The following GTF2F2 variants were observed in gnomAD, a reference collection of about 807,000 sequenced individuals.
GTF2F2 encodes ATP-dependent helicase GTF2F2.
A neutral mutation model predicts 42.2 loss-of-function variants in GTF2F2; 23 were observed. The observed-to-expected ratio is 0.55, with a 90% CI of 0.39 to 0.77. The LOEUF (loss-of-function observed/expected upper bound fraction) is 0.77, where lower values mean the gene tolerates loss of function less well. Among genes scored for constraint, GTF2F2 ranks in the 30% least tolerant of loss-of-function variants. The probability of loss-of-function intolerance (pLI) is 0.00; values close to 1 mark genes in which losing one functional copy is unlikely to be tolerated. For synonymous variants in GTF2F2, 105 were observed against 100.8 expected (o/e 1.04, Z -0.25); for missense variants, 261 against 287.2 (o/e 0.91, Z 0.66).
intron 5 of GTF2F2, among the ~76,000 whole-genome samples, chr13:45,209,671 C>G (rs1422226621): frequency 1.3e-5 from 2 of 152,102 alleles, no homozygotes; most frequent in African/African-American, 4.8e-5. Context: ...GGCAGAAGCT[C>G]CAGCCCAGAC....
At position 45,283,521 on chromosome 13, in the gene GTF2F2, C is replaced by T. The variant is rs78348565; in HGVS notation, c.710C>T (p.Pro237Leu). ...GIHKNTWELK[P>L]EYRHYQGEEK... Reference sequence around the variant, plus strand: ...CACAAAAACACATGGGAGCTGAAGCCAGAGTACAGACACTATCAAGGAGAA... The same window carrying T: ...CACAAAAACACATGGGAGCTGAAGCTAGAGTACAGACACTATCAAGGAGAA... Residue 237 changes from proline (P) to leucine (L), a missense_variant, in exon 8 of 8, where the codon CCA becomes CTA. Coordinates refer to ENST00000340473, the MANE Select transcript of GTF2F2 (RefSeq NM_004128.3). The T allele has an allele frequency of 3.7e-6, 6 of 1,612,752 alleles. No homozygotes were observed. The highest frequency in any genetic ancestry group is 3.3e-5 in the Admixed American group (2 of 59,944).
chr13:45,234,060 C>T (rs765279932), intron 5 of GTF2F2, among the ~76,000 whole-genome samples: 26 of 152,190 alleles, frequency 1.7e-4, no homozygotes, highest in East Asian at 5.8e-4. Context: ...CCATAAGCAA[C>T]GCAGATCATC....
rs551861257 is a variant in GTF2F2, at chr13:45,185,221, C to T, written c.305-22203C>T. On this transcript the variant is annotated intron_variant, in intron 4 of 7. Coordinates refer to ENST00000340473, the MANE Select transcript of GTF2F2 (RefSeq NM_004128.3). ...AATATATTTGAAGCTCCTTTTTCTT[C>T]TGTCTTATTAAGGACAATCTGCCTG... Among the ~76,000 whole-genome samples, 18 of 152,204 alleles carry T rather than the reference C, an allele frequency of 1.2e-4. No individual in the cohort carries two copies. The South Asian group carries it at 3.5e-3, about 30-fold the overall frequency.
At chr13:45,265,632 A>G (rs17066568) in intron 6 of GTF2F2, among the ~76,000 whole-genome samples, 15,859 of 152,176 alleles carry the variant, frequency 0.1, 2,226 homozygotes, top group African/African-American at 0.32. Context: ...TAGATACTCA[A>G]GGTTTTCAGT....
At chr13:45,134,267 A>G (rs771268709) in intron 1 of GTF2F2, among the ~76,000 whole-genome samples, 17 of 152,190 alleles carry the variant, frequency 1.1e-4, no homozygotes, top group Admixed American at 5.2e-4. Flanking sequence ...CTCTGGGCAC[A>G]GTGATAGGTC....
At chr13:45,211,855 G>T (rs1180123282) in intron 5 of GTF2F2, among the ~76,000 whole-genome samples, 1 of 151,956 alleles carries the variant, frequency 6.6e-6, no homozygotes. Context: ...CAAAGTGCTG[G>T]GATTACAGGC....
chr13:45,274,197 A>T (rs756345639), intron 7 of GTF2F2, among the ~76,000 whole-genome samples: 2 of 151,998 alleles, frequency 1.3e-5, no homozygotes, highest in African/African-American at 4.8e-5. Context: ...GCCACTGTTT[A>T]TTGGATATAT....
At chr13:45,136,993 C>A (rs543943162) in intron 2 of GTF2F2, among the ~76,000 whole-genome samples, 187 bp downstream of exon 2, 1 of 152,290 alleles carries the variant, frequency 6.6e-6, no homozygotes, top group Non-Finnish European at 1.5e-5. Flanking sequence ...ACACACATAT[C>A]CCCACACCCA....
At chr13:45,161,023 A>C (rs2138131824) in intron 4 of GTF2F2, among the ~76,000 whole-genome samples, 1 of 152,336 alleles carries the variant, frequency 6.6e-6, no homozygotes, top group African/African-American at 2.4e-5. Flanking sequence ...AGAATGTTAA[A>C]GGATGCATAC....
intron 1 of GTF2F2, among the ~76,000 whole-genome samples, chr13:45,131,101 A>T (rs565647576): frequency 6.6e-6 from 1 of 152,190 alleles, no homozygotes; most frequent in Non-Finnish European, 1.5e-5. Flanking sequence ...AAAAATACAA[A>T]ATTAGCTGAG....
chr13:45,150,706 G>A (rs1237958409), intron 3 of GTF2F2, among the ~76,000 whole-genome samples: 1 of 129,620 alleles, frequency 7.7e-6, no homozygotes, highest in Non-Finnish European at 1.6e-5. Flanking sequence ...GTCATGCCCG[G>A]CTAATTTTTG....
At chr13:45,276,701 A>C (rs1221719818) in intron 7 of GTF2F2, among the ~76,000 whole-genome samples, 3 of 152,186 alleles carry the variant, frequency 2.0e-5, no homozygotes, top group South Asian at 4.1e-4. Flanking sequence ...TCGGCCTCCC[A>C]AAGTGCTGGG....
At chr13:45,260,107 C>G (rs1876274156) in intron 6 of GTF2F2, among the ~76,000 whole-genome samples, 5 of 151,880 alleles carry the variant, frequency 3.3e-5, no homozygotes, top group African/African-American at 1.2e-4. Flanking sequence ...AGGTAAACCC[C>G]CAGGAACTAG....
In GTF2F2 at chr13:45,191,242, T is replaced by A. The variant is rs1434886905; in HGVS notation, c.305-16182T>A. ...AAAAAAAAATATATATATATATATA[T>A]ATATATATATATAGCCATAATCTCA... On this transcript the variant is annotated intron_variant, in intron 4 of 7. Transcript: ENST00000340473. 4.3e-4 allele frequency among the ~76,000 whole-genome samples: 58 copies of A among 134,754 alleles called. 1 individual carries two copies. The highest frequency in any genetic ancestry group is 9.5e-4 in the Admixed American group (13 of 13,714). 88.4% of individuals were successfully genotyped at this position (134,754 alleles called of 152,430 possible).
chr13:45,213,010 G>A (rs1349422414), intron 5 of GTF2F2, among the ~76,000 whole-genome samples: 1 of 152,004 alleles, frequency 6.6e-6, no homozygotes, highest in Non-Finnish European at 1.5e-5. Context: ...CCAATGTGCT[G>A]GGGTTACAGG....
chr13:45,184,788 G>A (rs977311057), intron 4 of GTF2F2, among the ~76,000 whole-genome samples: 6 of 151,996 alleles, frequency 3.9e-5, no homozygotes, highest in African/African-American at 1.2e-4. Flanking sequence ...TGCCAAATTT[G>A]TATATATTTT....
intron 4 of GTF2F2, among the ~76,000 whole-genome samples, chr13:45,198,296 G>C (rs1873003166): frequency 6.6e-6 from 1 of 152,190 alleles, no homozygotes; most frequent in Admixed American, 6.5e-5. Context: ...GATTGATGCA[G>C]GACATCATTG....
chr13:45,138,016 A>C (rs901412054), intron 2 of GTF2F2, among the ~76,000 whole-genome samples: 2 of 152,154 alleles, frequency 1.3e-5, no homozygotes, highest in African/African-American at 4.8e-5. Context: ...CCAAGAGTCA[A>C]CTAGCAGCTC....
intron 6 of GTF2F2, among the ~76,000 whole-genome samples, chr13:45,253,202 T>TCAACC (rs1215939733): frequency 6.6e-6 from 1 of 152,086 alleles, no homozygotes; most frequent in Non-Finnish European, 1.5e-5. Flanking sequence ...AACCACTGTT[T>TCAACC]AAAGTACCCT....
Sources: allele counts gnomAD v4.1 joint callset (sites outside exome capture counted in the v4.1 genomes callset), GRCh38; gene constraint gnomAD v4.1.1; transcripts MANE v1.5; gene names NCBI Gene and HGNC (gene_info 2026-07-23, HGNC 2026-07-21).